The following MAP3K1 variants were observed in gnomAD, a reference collection of about 807,000 sequenced individuals.
MAP3K1 encodes the protein mitogen-activated protein kinase kinase kinase 1.
Under a neutral mutation model 144.2 loss-of-function variants are expected in MAP3K1, and 36 were observed. The observed-to-expected ratio is 0.25, with a 90% CI of 0.19 to 0.33. The LOEUF (loss-of-function observed/expected upper bound fraction) is 0.33. MAP3K1 is among the 10% of genes least tolerant of loss of function. MAP3K1 has a pLI of 1.00. For missense variants in MAP3K1, 1,650 were observed against 1,881.9 expected (o/e 0.88, Z 2.28); for synonymous variants, 718 against 688.7 (o/e 1.04, Z -0.67).
chr5:56,882,075 A>G lies in MAP3K1; in HGVS notation c.2875A>G (p.Lys959Glu). 6.2e-7 allele frequency: 1 copy of G among 1,614,148 alleles called. No homozygotes were observed. The highest frequency in any genetic ancestry group is 8.5e-7 in the Non-Finnish European group (1 of 1,180,032). ...TEQPKPMVQTKGRPHSQCLNS... is the reference protein window; with the variant it reads ...TEQPKPMVQTEGRPHSQCLNS... ...GCAACCAAAGCCAATGGTTCAAACA[A>G]AAGGCAGACCCCACAGTCAGTGTTT... The change falls in exon 14 of 20, where the codon AAA becomes GAA. Residue 959 changes from lysine (K) to glutamate (E), a missense_variant. This residue lies in a region of MAP3K1 where 841 missense variants were observed against 886.5 expected (regional missense o/e 0.95). Transcript: ENST00000399503.
intron 1 of MAP3K1, among the ~76,000 whole-genome samples, chr5:56,848,465 AGCCCAT>A (rs1223149424): frequency 6.6e-6 from 1 of 152,156 alleles, no homozygotes; most frequent in Non-Finnish European, 1.5e-5. Context: ...GTGTTTATCA[AGCCCAT>A]GACATCTGTT....
intron 6 of MAP3K1, among the ~76,000 whole-genome samples, chr5:56,866,323 G>A (rs58276236): frequency 0.032 from 4,924 of 152,114 alleles, 253 homozygotes; most frequent in African/African-American, 0.11. Context: ...CAGGAGGATC[G>A]CTTGAACCCA....
chr5:56,838,245 G>A (rs79851571), intron 1 of MAP3K1, among the ~76,000 whole-genome samples: 1 of 139,234 alleles, frequency 7.2e-6, no homozygotes, highest in Non-Finnish European at 1.6e-5. Context: ...AATACAATTT[G>A]TGTTACAAGT....
At chr5:56,853,278 A>G (rs911424373) in intron 1 of MAP3K1, among the ~76,000 whole-genome samples, 1 of 152,222 alleles carries the variant, frequency 6.6e-6, no homozygotes, top group Non-Finnish European at 1.5e-5. Context: ...AATTATTACA[A>G]AGAGACTAGG....
chr5:56,865,769 A>G, intron 5 of MAP3K1, 60 bp from the exon 6 acceptor site: 1 of 1,535,662 alleles, frequency 6.5e-7, no homozygotes, highest in Admixed American at 1.7e-5. Context: ...AGCCTCTAGA[A>G]CTCTTCATAT....
intron 1 of MAP3K1, among the ~76,000 whole-genome samples, chr5:56,848,368 A>G (rs1384732142): frequency 2.0e-5 from 3 of 152,164 alleles, no homozygotes; most frequent in Non-Finnish European, 4.4e-5. Flanking sequence ...TCCATCATGA[A>G]TGATGGTGTA....
chr5:56,873,859 A>G (rs1484977068), intron 9 of MAP3K1, among the ~76,000 whole-genome samples: 2 of 152,064 alleles, frequency 1.3e-5, no homozygotes, highest in African/African-American at 4.8e-5. Flanking sequence ...TAAAATCTGC[A>G]AAAATATTAA....
intron 15 of MAP3K1, 150 bp from the exon 16 acceptor site, chr5:56,884,514 G>C (rs765249185): frequency 2.0e-5 from 14 of 693,196 alleles, no homozygotes; most frequent in Non-Finnish European, 3.3e-5. Flanking sequence ...GTGTTTAAAA[G>C]AGTTTGACTT....
intron 6 of MAP3K1, among the ~76,000 whole-genome samples, chr5:56,867,201 A>C (rs190067516): frequency 1.3e-5 from 2 of 152,328 alleles, no homozygotes; most frequent in Non-Finnish European, 2.9e-5. Context: ...CTTAAAACCA[A>C]GTAGTCAAAA....
intron 1 of MAP3K1, among the ~76,000 whole-genome samples, chr5:56,846,009 CTGA>C (rs1430234720): frequency 6.6e-6 from 1 of 152,210 alleles, no homozygotes; most frequent in African/African-American, 2.4e-5. Context: ...GCTGATTACT[CTGA>C]TGAGTGATAT....
chr5:56,862,400 A>G (rs371324195), intron 3 of MAP3K1, among the ~76,000 whole-genome samples: 11 of 152,190 alleles, frequency 7.2e-5, no homozygotes, highest in African/African-American at 2.7e-4. Context: ...AAGAATGTAA[A>G]TACTGGGAGG....
At chr5:56,890,237 C>T (rs186806600) in intron 19 of MAP3K1, among the ~76,000 whole-genome samples, 17 of 152,242 alleles carry the variant, frequency 1.1e-4, no homozygotes, top group African/African-American at 4.1e-4. Context: ...TGGCTAGGAT[C>T]AATTTGAAAG....
intron 19 of MAP3K1, among the ~76,000 whole-genome samples, chr5:56,889,315 C>T (rs1403181216): frequency 6.6e-6 from 1 of 152,032 alleles, no homozygotes; most frequent in East Asian, 1.9e-4. Context: ...ACTACAGGCA[C>T]GCGCCACCAT....
chr5:56,877,691 T>C (rs577832592), intron 10 of MAP3K1, among the ~76,000 whole-genome samples: 1 of 152,328 alleles, frequency 6.6e-6, no homozygotes, highest in East Asian at 1.9e-4. Context: ...TACTCAAATC[T>C]CTTCAGTTGC....
At chr5:56,861,453 T>TC (rs1224835046) in intron 3 of MAP3K1, among the ~76,000 whole-genome samples, 1 of 151,178 alleles carries the variant, frequency 6.6e-6, no homozygotes, top group African/African-American at 2.4e-5. Flanking sequence ...GCACCTGTAA[T>TC]CCCAGCTACT....
chr5:56,883,397 C>T, intron 14 of MAP3K1, 130 bp from the exon 15 acceptor site: 1 of 821,024 alleles, frequency 1.2e-6, no homozygotes. Context: ...GTCACAAATA[C>T]CTTCCATTCA....
At position 56,859,904 on chromosome 5, in the gene MAP3K1, T is replaced by C; in HGVS notation, c.823T>C (p.Ser275Pro). The C allele has an allele frequency of 3.7e-6, 6 of 1,611,652 alleles. No individual in the cohort carries two copies. The highest frequency in any genetic ancestry group is 5.1e-6 in the Non-Finnish European group (6 of 1,178,618). The change falls in exon 3 of 20, where the codon TCC (serine) becomes CCC (proline). Residue 275 changes from serine to proline, a missense_variant. Coordinates refer to ENST00000399503, the MANE Select transcript of MAP3K1 (RefSeq NM_005921.2). The part of the protein sequence containing the change: ...ESPGVRRKRV[S>P]PVPFQSGRIT... Reference sequence around the variant, plus strand: ...TCCAGGAGTAAGGAGAAAAAGAGTTTCCCCAGTGCCTGTAAGTTAATGTTA... The same window carrying C: ...TCCAGGAGTAAGGAGAAAAAGAGTTCCCCCAGTGCCTGTAAGTTAATGTTA...
At chr5:56,887,293 C>A in intron 17 of MAP3K1, 85 bp from the exon 18 acceptor site, 1 of 1,260,248 alleles carries the variant, frequency 7.9e-7, no homozygotes, top group Non-Finnish European at 1.2e-6. Context: ...TGTCATTGTC[C>A]TAGTTCATTA....
intron 1 of MAP3K1, among the ~76,000 whole-genome samples, chr5:56,841,840 G>A (rs936592197): frequency 3.9e-5 from 6 of 152,178 alleles, no homozygotes; most frequent in Admixed American, 2.6e-4. Context: ...ACTTGATTAT[G>A]AATTTCCAGA....
Sources: gnomAD v4.1 joint callset for allele counts (sites outside exome capture counted in the v4.1 genomes callset) on GRCh38, gnomAD v4.1.1 for gene constraint, gnomAD v4.1.1 regional missense constraint, MANE v1.5 for transcripts, NCBI Gene and HGNC (gene_info 2026-07-23, HGNC 2026-07-21) for gene names.